Variants in SGCZ observed in about 807,000 individuals in gnomAD.
SGCZ encodes zeta-sarcoglycan.
In SGCZ, 40 loss-of-function variants were observed where a neutral mutation model predicts 41.3. That is an observed-to-expected ratio of 0.97 (90% CI 0.75 to 1.26). The LOEUF is 1.26. Ranked by LOEUF, SGCZ falls within the 50% of genes most tolerant of loss-of-function variation. The probability of loss-of-function intolerance (pLI) is 0.00; values close to 1 mark genes in which losing one functional copy is unlikely to be tolerated. For missense variants in SGCZ, 552 were observed against 369.8 expected, an observed-to-expected ratio of 1.49 and a Z score of -4.04; for synonymous variants, 206 against 137.5, an observed-to-expected ratio of 1.50 and a Z score of -3.49.
At chr8:14,399,800 A>T (rs1411568259) in intron 2 of SGCZ, among the ~76,000 whole-genome samples, 1 of 152,160 alleles carries the variant, frequency 6.6e-6, no homozygotes, top group Non-Finnish European at 1.5e-5. Context: ...CAAATAGCTG[A>T]TAATATTAAT....
intron 2 of SGCZ, among the ~76,000 whole-genome samples, chr8:14,366,131 A>T (rs890705401): frequency 2.0e-5 from 3 of 152,174 alleles, no homozygotes; most frequent in African/African-American, 7.2e-5. Context: ...TGATGAATAA[A>T]TGAGTCTTTG....
chr8:14,982,813 T>C (rs1337390101), intron 1 of SGCZ, among the ~76,000 whole-genome samples: 1 of 152,200 alleles, frequency 6.6e-6, no homozygotes, highest in African/African-American at 2.4e-5. Context: ...ACAACAGAAA[T>C]ATTCACTTAT....
intron 1 of SGCZ, among the ~76,000 whole-genome samples, chr8:14,555,767 T>C (rs1277835814): frequency 6.6e-6 from 1 of 152,086 alleles, no homozygotes; most frequent in African/African-American, 2.4e-5. Context: ...TCAGTATATA[T>C]GCTTCAGTAA....
intron 1 of SGCZ, among the ~76,000 whole-genome samples, chr8:14,801,098 A>G (rs536934791): frequency 2.0e-5 from 3 of 152,318 alleles, no homozygotes; most frequent in Non-Finnish European, 2.9e-5. Flanking sequence ...AAAAGTGACC[A>G]TTCCTTCCAG....
intron 1 of SGCZ, among the ~76,000 whole-genome samples, chr8:15,035,832 T>C (rs139495585): frequency 1.3e-5 from 2 of 152,070 alleles, no homozygotes; most frequent in African/African-American, 4.8e-5. Flanking sequence ...CCTAAATATA[T>C]CAAGCAAATA....
intron 1 of SGCZ, among the ~76,000 whole-genome samples, chr8:15,015,390 T>A (rs1413595340): frequency 1.3e-5 from 2 of 152,094 alleles, no homozygotes; most frequent in Non-Finnish European, 2.9e-5. Flanking sequence ...GATTATAATA[T>A]ACTTTTTGTT....
intron 1 of SGCZ, among the ~76,000 whole-genome samples, chr8:14,800,275 G>C (rs368643389): frequency 3.7e-4 from 56 of 152,228 alleles, no homozygotes; most frequent in African/African-American, 1.3e-3. Context: ...ACATAAAAAT[G>C]TCTATCACTC....
chr8:14,172,659 T>G (rs1804422427), intron 4 of SGCZ, among the ~76,000 whole-genome samples: 1 of 152,144 alleles, frequency 6.6e-6, no homozygotes, highest in Admixed American at 6.5e-5. Flanking sequence ...GTACTCCACA[T>G]TCATTACATC....
At chr8:15,103,506 A>T (rs1318782548) in intron 1 of SGCZ, among the ~76,000 whole-genome samples, 1 of 152,164 alleles carries the variant, frequency 6.6e-6, no homozygotes, top group African/African-American at 2.4e-5. Flanking sequence ...AAATAAAAAG[A>T]GAGAGTTATC....
chr8:14,217,486 T>G (rs1293287823), intron 4 of SGCZ, among the ~76,000 whole-genome samples: 2 of 151,958 alleles, frequency 1.3e-5, no homozygotes, highest in East Asian at 3.9e-4. Context: ...GTGGGGAACC[T>G]CTTTGCACAC....
chr8:14,327,472 A>G (rs1272313853), intron 2 of SGCZ, among the ~76,000 whole-genome samples: 1 of 152,200 alleles, frequency 6.6e-6, no homozygotes, highest in East Asian at 1.9e-4. Context: ...TGGAGTTGTT[A>G]CAGAAATACC....
chr8:14,696,103 T>G (rs1808952159), intron 1 of SGCZ, among the ~76,000 whole-genome samples: 1 of 152,086 alleles, frequency 6.6e-6, no homozygotes, highest in African/African-American at 2.4e-5. Flanking sequence ...TTCGGTTGCT[T>G]TTTTTCAGGT....
At chr8:14,519,392 G>C (rs1802721211) in intron 2 of SGCZ, among the ~76,000 whole-genome samples, 1 of 151,786 alleles carries the variant, frequency 6.6e-6, no homozygotes, top group South Asian at 2.1e-4. Flanking sequence ...AAGTTTCCTT[G>C]GCATGAAAAA....
At chr8:14,185,013 A>G (rs1804857239) in intron 4 of SGCZ, among the ~76,000 whole-genome samples, 1 of 152,180 alleles carries the variant, frequency 6.6e-6, no homozygotes, top group African/African-American at 2.4e-5. Flanking sequence ...ATTAGACTTT[A>G]TAACATTTAA....
chr8:14,286,924 T>C (rs905847422), intron 3 of SGCZ, among the ~76,000 whole-genome samples: 52 of 152,048 alleles, frequency 3.4e-4, no homozygotes, highest in African/African-American at 1.0e-3. Flanking sequence ...AGTAAACAAA[T>C]GTATGTGATT....
At chr8:14,706,887 T>G (rs977062418) in intron 1 of SGCZ, among the ~76,000 whole-genome samples, 3 of 152,008 alleles carry the variant, frequency 2.0e-5, no homozygotes, top group Admixed American at 6.6e-5. Flanking sequence ...ATAAACGGTT[T>G]TATTATAAAT....
chr8:15,164,676 A>G (rs1348613898), intron 1 of SGCZ, among the ~76,000 whole-genome samples: 2 of 143,084 alleles, frequency 1.4e-5, no homozygotes, highest in Non-Finnish European at 3.0e-5. Context: ...TTACTAGGCC[A>G]GGCTCCCCAA....
intron 1 of SGCZ, among the ~76,000 whole-genome samples, chr8:15,179,166 T>C (rs1800086790): frequency 6.6e-6 from 1 of 152,142 alleles, no homozygotes; most frequent in Non-Finnish European, 1.5e-5. Context: ...TAAATAATAA[T>C]TAACCTGTTT....
intron 1 of SGCZ, among the ~76,000 whole-genome samples, chr8:15,069,182 G>C (rs1373159751): frequency 6.6e-6 from 1 of 151,866 alleles, no homozygotes; most frequent in Non-Finnish European, 1.5e-5. Flanking sequence ...GTTTTTTTGG[G>C]GTTTTGTTGT....
Sources: gnomAD v4.1 joint callset for allele counts (sites outside exome capture counted in the v4.1 genomes callset) on GRCh38, gnomAD v4.1.1 for gene constraint, MANE v1.5 for transcripts, NCBI Gene and HGNC (gene_info 2026-07-23, HGNC 2026-07-21) for gene names.